The following TRHDE variants were observed in gnomAD, a reference collection of about 807,000 sequenced individuals.
TRHDE encodes thyrotropin releasing hormone degrading enzyme.
Under a neutral mutation model 125.7 loss-of-function variants are expected in TRHDE, and 72 were observed. The observed-to-expected ratio is 0.57, with a 90% confidence interval of 0.47 to 0.70. TRHDE has a LOEUF of 0.70. Among genes scored for constraint, TRHDE ranks in the 30% least tolerant of loss-of-function variants. The pLI is 0.00. For missense variants in TRHDE, 1,110 were observed against 1,327.1 expected (o/e 0.84, Z 2.54); for synonymous variants, 509 against 509.1 (o/e 1.00, Z 0.00).
At chr12:72,164,321 CAG>C (rs1294133381) in intron 2 of TRHDE, among the ~76,000 whole-genome samples, 3 of 152,132 alleles carry the variant, frequency 2.0e-5, no homozygotes, top group African/African-American at 7.2e-5. Flanking sequence ...AAAGCCTGAG[CAG>C]AGTTACCTCG....
intron 15 of TRHDE, among the ~76,000 whole-genome samples, chr12:72,635,962 C>T (rs1873726481): frequency 6.6e-6 from 1 of 151,720 alleles, no homozygotes; most frequent in Admixed American, 6.6e-5. Flanking sequence ...GTTCTTTTGG[C>T]TTAGGATTGA....
chr12:72,558,024 A>C (rs1011823737), intron 7 of TRHDE, among the ~76,000 whole-genome samples: 6 of 151,834 alleles, frequency 4.0e-5, no homozygotes, highest in African/African-American at 1.5e-4. Flanking sequence ...ATATGGAGAG[A>C]GAGGACAGGG....
intron 6 of TRHDE, among the ~76,000 whole-genome samples, chr12:72,534,846 T>C (rs894711351): frequency 1.3e-5 from 2 of 152,094 alleles, no homozygotes; most frequent in Non-Finnish European, 2.9e-5. Flanking sequence ...TTGCAACTGA[T>C]ATAAATAAGC....
intron 3 of TRHDE, among the ~76,000 whole-genome samples, chr12:72,406,273 A>T (rs1873262675): frequency 6.6e-6 from 1 of 152,180 alleles, no homozygotes; most frequent in Non-Finnish European, 1.5e-5. Context: ...TATGAGAATT[A>T]GGGCTTCCAG....
chr12:72,145,609 A>G (rs1003451457), intron 2 of TRHDE, among the ~76,000 whole-genome samples: 1 of 152,156 alleles, frequency 6.6e-6, no homozygotes, highest in Non-Finnish European at 1.5e-5. Context: ...GTAAAATACC[A>G]TCTTTTAAAA....
intron 12 of TRHDE, among the ~76,000 whole-genome samples, chr12:72,580,716 C>T (rs1238809182): frequency 6.6e-6 from 1 of 152,228 alleles, no homozygotes; most frequent in Non-Finnish European, 1.5e-5. Context: ...GCTGGGATTA[C>T]AGGCGTGAGC....
intron 12 of TRHDE, among the ~76,000 whole-genome samples, chr12:72,593,850 C>CT (rs1376137506): frequency 1.3e-5 from 2 of 152,148 alleles, no homozygotes; most frequent in African/African-American, 2.4e-5. Context: ...TGAACTCATC[C>CT]TTTTTTATGG....
intron 1 of TRHDE, among the ~76,000 whole-genome samples, chr12:72,095,935 T>C (rs1378967188): frequency 6.6e-6 from 1 of 152,120 alleles, no homozygotes; most frequent in Non-Finnish European, 1.5e-5. Flanking sequence ...CTCCAATCAG[T>C]TGAAGGGCTG....
intron 2 of TRHDE, among the ~76,000 whole-genome samples, chr12:72,172,385 A>G (rs1876892890): frequency 6.6e-6 from 1 of 152,222 alleles, no homozygotes; most frequent in African/African-American, 2.4e-5. Context: ...AAGTCTATCA[A>G]GTAAGCATTT....
chr12:72,614,360 T>G (rs573286009), intron 12 of TRHDE, among the ~76,000 whole-genome samples: 10 of 142,700 alleles, frequency 7.0e-5, no homozygotes, highest in African/African-American at 2.7e-4. Context: ...CTGATCAAAT[T>G]AGCTGTTGGT....
intron 2 of TRHDE, among the ~76,000 whole-genome samples, chr12:72,288,200 C>T (rs1254555759): frequency 6.6e-6 from 1 of 152,028 alleles, no homozygotes; most frequent in Non-Finnish European, 1.5e-5. Flanking sequence ...TTGAACACAG[C>T]AAAATAGGTG....
intron 15 of TRHDE, among the ~76,000 whole-genome samples, chr12:72,638,789 T>A (rs1266646315): frequency 6.6e-6 from 1 of 152,106 alleles, no homozygotes; most frequent in Non-Finnish European, 1.5e-5. Flanking sequence ...GATATGAAAT[T>A]CTGGGTTGAA....
rs2136118597 is a variant in TRHDE, at chr12:72,663,195, A to G, written c.3210A>G (p.Ter1070=). The G allele has an allele frequency of 6.2e-7, 1 of 1,600,116 alleles. No individual in the cohort carries two copies. Among genetic ancestry groups the G allele is most frequent in the East Asian group, 2.2e-5 (1 of 44,590 alleles). The change falls in exon 19 of 19, where the codon TAA becomes TAG. Residue 1070 remains the stop codon, a stop_retained_variant. Coordinates refer to ENST00000261180, the MANE Select transcript of TRHDE (RefSeq NM_013381.3). ...GGTTAGGAAAAGCTCTAAGACACTA[A>G]TATATGTATCTTATAAACAAACAAT... ...FQWLGKALRH[*]
intron 2 of TRHDE, among the ~76,000 whole-genome samples, chr12:72,231,472 T>C (rs1055389717): frequency 6.6e-5 from 10 of 152,174 alleles, no homozygotes; most frequent in Non-Finnish European, 1.3e-4. Context: ...AATTAACTTA[T>C]TAAATTCCCA....
intron 2 of TRHDE, among the ~76,000 whole-genome samples, chr12:72,350,682 G>T (rs1225625523): frequency 6.6e-6 from 1 of 151,974 alleles, no homozygotes; most frequent in African/African-American, 2.4e-5. Context: ...TATGGAAAAT[G>T]AGGCTTGATA....
chr12:72,480,420 T>G (rs1877115146), intron 5 of TRHDE, among the ~76,000 whole-genome samples: 2 of 151,906 alleles, frequency 1.3e-5, no homozygotes, highest in Admixed American at 1.3e-4. Context: ...CCAGTGATGG[T>G]GAGCATTTTT....
chr12:72,360,832 A>C (rs1311318601), intron 2 of TRHDE, among the ~76,000 whole-genome samples: 1 of 151,756 alleles, frequency 6.6e-6, no homozygotes, highest in Non-Finnish European at 1.5e-5. Context: ...TTAAAATTTA[A>C]TGTAATTTTA....
At chr12:72,624,431 C>G (rs1873175215) in intron 15 of TRHDE, among the ~76,000 whole-genome samples, 1 of 151,778 alleles carries the variant, frequency 6.6e-6, no homozygotes, top group African/African-American at 2.4e-5. Flanking sequence ...TCTAATATGT[C>G]TACAAAACAG....
intron 2 of TRHDE, among the ~76,000 whole-genome samples, chr12:72,372,013 A>G (rs372884792): frequency 7.8e-4 from 119 of 152,180 alleles, no homozygotes; most frequent in East Asian, 4.1e-3. Context: ...CACCAACAGT[A>G]TAAAAGTGTT....
Sources: allele counts gnomAD v4.1 joint callset (sites outside exome capture counted in the v4.1 genomes callset), GRCh38; gene constraint gnomAD v4.1.1; transcripts MANE v1.5; gene names NCBI Gene and HGNC (gene_info 2026-07-23, HGNC 2026-07-21).